The following PRRC2B variants were observed in gnomAD, a reference collection of about 807,000 sequenced individuals.
The protein encoded by PRRC2B is protein PRRC2B.
A neutral mutation model predicts 242.3 loss-of-function variants in PRRC2B; 68 were observed. The observed-to-expected ratio is 0.28, with a 90% CI of 0.23 to 0.34. The LOEUF is 0.34. PRRC2B is among the 10% of genes least tolerant of loss of function. The pLI is 1.00. For synonymous variants in PRRC2B, 1,228 were observed against 1,173.6 expected (o/e 1.05, Z -0.95); for missense variants, 2,835 against 2,954.8 (o/e 0.96, Z 0.94).
At chr9:131,441,979 GAT>G (rs1838597946) in intron 5 of PRRC2B, among the ~76,000 whole-genome samples, 4 of 8,504 alleles carry the variant, frequency 4.7e-4, no homozygotes, top group Non-Finnish European at 5.8e-3. Context: ...TTTGGTGTGA[GAT>G]TTTTTTTTTT....
At chr9:131,420,455 T>TC (rs1554758582) in intron 1 of PRRC2B, among the ~76,000 whole-genome samples, 6 of 10,060 alleles carry the variant, frequency 6.0e-4, no homozygotes, top group African/African-American at 8.3e-4. Flanking sequence ...CTTTTTCTTT[T>TC]TCTTTCTTTC....
In PRRC2B at chr9:131,482,805, C is replaced by T. The variant is rs2275499; in HGVS notation, c.5271C>T (p.Ala1757=). Residue 1757 remains alanine, a synonymous_variant, in exon 22 of 32, where the codon GCC becomes GCT. Transcript: ENST00000683519. This position sits in a 1 kb window ranked among gnomAD's most constrained non-coding sequence, Gnocchi z 5.2. ...AAAACAGAAAGGGCTCGGAGGGGGC[C>T]GAGCGGCTGCAAGGGGCTGTCGTCC... ...SLKNRKGSEG[A]ERLQGAVVPP... 1.8e-5 allele frequency: 29 copies of T among 1,609,600 alleles called. No homozygotes were observed. The highest frequency in any genetic ancestry group is 2.4e-5 in the Non-Finnish European group (28 of 1,178,034).
chr9:131,477,723 A>G (rs1367231665), intron 16 of PRRC2B, 21 bp from the exon 17 acceptor site: 1 of 1,520,330 alleles, frequency 6.6e-7, no homozygotes, highest in South Asian at 1.1e-5. Context: ...TCTGGTTAAC[A>G]AGATCCTCTT....
chr9:131,416,848 C>G (rs987202966), intron 1 of PRRC2B, among the ~76,000 whole-genome samples: 3 of 151,854 alleles, frequency 2.0e-5, no homozygotes, highest in Admixed American at 2.0e-4. Flanking sequence ...TAGGGTGATT[C>G]TTGTTTTCTA....
intron 9 of PRRC2B, among the ~76,000 whole-genome samples, chr9:131,450,629 A>G (rs986189194): frequency 7.0e-6 from 1 of 143,714 alleles, no homozygotes; most frequent in Non-Finnish European, 1.5e-5. Flanking sequence ...ACTCTGCCAC[A>G]CAGGCTGGAG....
chr9:131,444,154 T>C, intron 5 of PRRC2B, 31 bp from the exon 6 acceptor site: 1 of 1,612,900 alleles, frequency 6.2e-7, no homozygotes, highest in Non-Finnish European at 8.5e-7. Context: ...TCCATCTCAC[T>C]TCCTCCATGT....
At chr9:131,413,129 C>T (rs2131299265) in intron 1 of PRRC2B, among the ~76,000 whole-genome samples, 1 of 152,164 alleles carries the variant, frequency 6.6e-6, no homozygotes, top group Non-Finnish European at 1.5e-5. Flanking sequence ...GAATATTTGC[C>T]CTGGTATGCT....
chr9:131,447,412 T>C (rs1838839390), intron 8 of PRRC2B, among the ~76,000 whole-genome samples: 1 of 151,912 alleles, frequency 6.6e-6, no homozygotes, highest in African/African-American at 2.4e-5. Context: ...CCTGGTAGAG[T>C]TGAAGTTCTG....
Position 131,491,593 on chromosome 9 carries a change from C to T in PRRC2B, c.6381+13C>T, listed in dbSNP as rs1944197038. ...CACCAGCAGAGAGGTAAGGGGACCC[C>T]ATCTGCCTCTGACCCTAGGGAGGGG... On this transcript the variant is annotated intron_variant, in intron 29 of 31. Coordinates refer to ENST00000683519, the MANE Select transcript of PRRC2B (RefSeq NM_013318.4). 1.2e-6 allele frequency: 2 copies of T among 1,602,280 alleles called. No individual in the cohort carries two copies. The highest frequency in any genetic ancestry group is 2.2e-5 in the South Asian group (2 of 89,108).
chr9:131,412,205 C>G (rs141991895), intron 1 of PRRC2B, among the ~76,000 whole-genome samples: 1 of 152,270 alleles, frequency 6.6e-6, no homozygotes, highest in Non-Finnish European at 1.5e-5. Context: ...CCAAGGTGGA[C>G]AGGCTTCTGT....
intron 2 of PRRC2B, among the ~76,000 whole-genome samples, chr9:131,430,595 G>GTA (rs771525029): frequency 2.9e-5 from 4 of 138,500 alleles, no homozygotes; most frequent in African/African-American, 1.2e-4. Context: ...GTGTGTGTGT[G>GTA]TATATATATG....
intron 1 of PRRC2B, among the ~76,000 whole-genome samples, chr9:131,420,474 T>C (rs559224905): frequency 5.6e-3 from 68 of 12,132 alleles, no homozygotes; most frequent in African/African-American, 0.011. Context: ...TCTTTCTTTC[T>C]TTCTTTCTTT....
Position 131,482,352 on chromosome 9 carries a change from C to A in PRRC2B, c.4984-19C>A. The A allele has an allele frequency of 6.5e-7, 1 of 1,542,596 alleles. No individual in the cohort carries two copies. The highest frequency in any genetic ancestry group is 8.8e-7 in the Non-Finnish European group (1 of 1,140,278). The stretch of plus-strand genomic sequence containing the variant: ...GAGTTGGGAGTTTGAGGCTATAACC[C>A]ATTTTGTGCTCTGCACAGCAGGGTT... On this transcript the variant is annotated intron_variant, in intron 20 of 31. Transcript: ENST00000683519. The surrounding 1 kb of genome is among the most constrained non-coding windows in gnomAD (Gnocchi z 5.2).
Position 131,482,983 on chromosome 9 carries a change from TG to T in PRRC2B, c.5373+79del. On this transcript the variant is annotated intron_variant, in intron 22 of 31. Transcript: ENST00000683519. This position sits in a 1 kb window ranked among gnomAD's most constrained non-coding sequence, Gnocchi z 5.2. The stretch of plus-strand genomic sequence containing the variant: ...TACTTGGAGAGGCTGGGGGCTCAGA[TG>T]GGATTGTCTCCTAGAAGGAATAGAA... 1 of 1,495,448 alleles carries T rather than the reference TG, an allele frequency of 6.7e-7. No individual in the cohort carries two copies. Among genetic ancestry groups the T allele is most frequent in the Non-Finnish European group, 9.1e-7 (1 of 1,099,542 alleles). 92.6% of individuals were successfully genotyped at this position (1,495,448 alleles called of 1,614,324 possible). A position where few individuals can be genotyped will look rare whatever the true frequency, so the allele number is the denominator to read the frequency against.
chr9:131,484,143 C>G (rs749494730), intron 23 of PRRC2B, among the ~76,000 whole-genome samples: 1 of 152,146 alleles, frequency 6.6e-6, no homozygotes, highest in Non-Finnish European at 1.5e-5. Flanking sequence ...AGATGGACAC[C>G]GGGGATCTGC....
Position 131,432,683 on chromosome 9 carries a change from C to T in PRRC2B, c.182C>T (p.Ala61Val), listed in dbSNP as rs1233739690. The T allele has an allele frequency of 1.3e-6, 2 of 1,576,898 alleles. No homozygotes were observed. Among genetic ancestry groups the T allele is most frequent in the East Asian group, 2.4e-5 (1 of 42,044 alleles). ...VAAARRMPPP[A>V]NLPSLKSENK... ...GCAGCCCGGCGCATGCCACCGCCTGCAAACCTGCCAAGCTTGAAGTCTGAA... is the reference window on the plus strand; with the variant it reads ...GCAGCCCGGCGCATGCCACCGCCTGTAAACCTGCCAAGCTTGAAGTCTGAA... Residue 61 changes from alanine (A) to valine (V), a missense_variant, in exon 3 of 32, where the codon GCA (alanine) becomes GTA (valine). Physicochemically the swap from Ala to Val is moderately conservative, Grantham distance 64. Coordinates refer to ENST00000683519, the MANE Select transcript of PRRC2B (RefSeq NM_013318.4).
chr9:131,407,462 G>T (rs76924588), intron 1 of PRRC2B, among the ~76,000 whole-genome samples: 3,944 of 152,216 alleles, frequency 0.026, 163 homozygotes, highest in African/African-American at 0.09. Context: ...TGGCGTACCT[G>T]GGAATGCCCT....
In PRRC2B at chr9:131,436,603, G is replaced by T. The variant is rs1391498845; in HGVS notation, c.294-17G>T. On this transcript the variant is annotated splice_polypyrimidine_tract_variant and intron_variant, in intron 3 of 31. Coordinates refer to ENST00000683519, the MANE Select transcript of PRRC2B (RefSeq NM_013318.4). ...ACTCTGTGCGGTGCCTGACCCCACT[G>T]CCCTGCCTTTGTCTAGTTCCAGTGC... 1.9e-6 allele frequency: 3 copies of T among 1,608,260 alleles called. No homozygotes were observed. The highest frequency in any genetic ancestry group is 2.7e-5 in the African/African-American group (2 of 74,856).
At chr9:131,464,188 C>T (rs192248027) in intron 11 of PRRC2B, among the ~76,000 whole-genome samples, 2 of 152,206 alleles carry the variant, frequency 1.3e-5, no homozygotes, top group African/African-American at 2.4e-5. Context: ...GTGATCCACC[C>T]GCCTCAGACT....
Sources: allele counts gnomAD v4.1 joint callset (sites outside exome capture counted in the v4.1 genomes callset), GRCh38; gene constraint gnomAD v4.1.1; non-coding constraint Gnocchi (gnomAD v3.1); transcripts MANE v1.5; gene names NCBI Gene and HGNC (gene_info 2026-07-23, HGNC 2026-07-21).